Variants in FAH observed in about 807,000 individuals in gnomAD.
FAH encodes the protein fumarylacetoacetase.
FAH carries 47 observed loss-of-function variants against 55.8 expected under a neutral mutation model. That is an observed-to-expected ratio of 0.84 (90% CI 0.67 to 1.07). The LOEUF is 1.07. Among genes scored for constraint, FAH ranks in the 50% least tolerant of loss-of-function variants. The pLI, the probability that FAH is intolerant of heterozygous loss-of-function variation, is 0.00. For synonymous variants in FAH, 199 were observed against 207.7 expected, an observed-to-expected ratio of 0.96 and a Z score of 0.36; for missense variants, 495 against 545.9, an observed-to-expected ratio of 0.91 and a Z score of 0.93.
In FAH at chr15:80,186,253, T is replaced by C; in HGVS notation, c.*44T>C. 6.6e-7 allele frequency: 1 copy of C among 1,508,108 alleles called. No individual in the cohort carries two copies. Among genetic ancestry groups the C allele is most frequent in the Non-Finnish European group, 9.2e-7 (1 of 1,084,230 alleles). 93.4% of individuals were successfully genotyped at this position (1,508,108 alleles called of 1,614,324 possible). ...GGAAACAAAGGGCTCAAGCACCCCT[T>C]TCAACCCTGTGACTGGGGTCCTCCC... On this transcript the variant is annotated 3_prime_UTR_variant, in exon 14 of 14. Transcript: ENST00000561421.
chr15:80,155,871 G>T, intron 1 of FAH: 1 of 470,628 alleles, frequency 2.1e-6, no homozygotes, highest in Non-Finnish European at 4.2e-6. Context: ...TTATAAGAAA[G>T]ATCAAAGACT....
At chr15:80,162,859 C>G (rs2041160533) in intron 5 of FAH, 1 of 215,202 alleles carries the variant, frequency 4.6e-6, no homozygotes. Context: ...CTTGCCTGAG[C>G]ACAACAGGGC....
chr15:80,164,655 C>T (rs2041176984), intron 5 of FAH, among the ~76,000 whole-genome samples: 1 of 152,170 alleles, frequency 6.6e-6, no homozygotes, highest in Admixed American at 6.5e-5. Context: ...CATTGCTTTC[C>T]TCAGGGGAGT....
Position 80,172,129 on chromosome 15 carries a change from T to A in FAH, c.607-20T>A, listed in dbSNP as rs377313331. 29 of 1,584,692 alleles carry A rather than the reference T, an allele frequency of 1.8e-5. No individual in the cohort carries two copies. The highest frequency in any genetic ancestry group is 2.5e-5 in the Non-Finnish European group (29 of 1,153,522). On this transcript the variant is annotated intron_variant, in intron 7 of 13. Coordinates refer to ENST00000561421, the MANE Select transcript of FAH (RefSeq NM_000137.4). ...GCGGCAGATCAGCTCCAGATTCTAA[T>A]GAACTCTCCCCCATGTAAGGCTTTT...
chr15:80,164,835 A>T (rs1050689292), intron 5 of FAH, among the ~76,000 whole-genome samples: 1 of 152,230 alleles, frequency 6.6e-6, no homozygotes, highest in African/African-American at 2.4e-5. Context: ...AACTACTTTG[A>T]ACAAGTTGGA....
At chr15:80,168,632 G>A (rs747962790) in intron 7 of FAH, among the ~76,000 whole-genome samples, 3 of 152,238 alleles carry the variant, frequency 2.0e-5, no homozygotes, top group Non-Finnish European at 2.9e-5. Flanking sequence ...ATGTTCCTAG[G>A]TGAGGCTGGA....
intron 2 of FAH, among the ~76,000 whole-genome samples, chr15:80,158,889 T>C (rs1449018578): frequency 2.6e-5 from 4 of 152,110 alleles, no homozygotes; most frequent in African/African-American, 7.2e-5. Flanking sequence ...GAACTCTGAC[T>C]CTTAGAACCT....
intron 5 of FAH, chr15:80,162,710 G>A (rs562377803): frequency 2.9e-6 from 1 of 350,286 alleles, no homozygotes; most frequent in East Asian, 7.0e-5. Context: ...ATCCTCAAAT[G>A]TGCCCAGTGC....
At chr15:80,173,325 T>A in intron 9 of FAH, 181 bp downstream of exon 9, 2 of 763,234 alleles carry the variant, frequency 2.6e-6, no homozygotes, top group South Asian at 3.0e-5. Context: ...AGCCAGGGCA[T>A]CATTCTCCCT....
At chr15:80,162,534 G>A (rs548122291) in intron 5 of FAH, 198 bp downstream of exon 5, 25 of 642,496 alleles carry the variant, frequency 3.9e-5, no homozygotes, top group East Asian at 2.0e-4. Flanking sequence ...CTGTGGGATC[G>A]AAGGGCAAGT....
chr15:80,162,130 G>C, intron 4 of FAH, 116 bp from the exon 5 acceptor site: 1 of 812,942 alleles, frequency 1.2e-6, no homozygotes, highest in Admixed American at 1.7e-5. Context: ...TGCAGGCTGA[G>C]CTCTGGATGT....
At chr15:80,159,081 T>C (rs2041124940) in intron 2 of FAH, among the ~76,000 whole-genome samples, 1 of 151,710 alleles carries the variant, frequency 6.6e-6, no homozygotes, top group South Asian at 2.1e-4. Flanking sequence ...CTACTAAAAA[T>C]ACAAAAATTA....
At chr15:80,164,560 G>GCA (rs143583156) in intron 5 of FAH, among the ~76,000 whole-genome samples, 20 of 151,672 alleles carry the variant, frequency 1.3e-4, no homozygotes, top group African/African-American at 4.8e-5. Context: ...ATGTACACAT[G>GCA]CACACACACA....
intron 9 of FAH, among the ~76,000 whole-genome samples, chr15:80,174,007 T>C (rs1268590916): frequency 6.6e-6 from 1 of 152,210 alleles, no homozygotes; most frequent in Non-Finnish European, 1.5e-5. Flanking sequence ...TGGGGTCATC[T>C]CATGTTTGCT....
At chr15:80,159,274 A>G (rs931034938) in intron 2 of FAH, among the ~76,000 whole-genome samples, 1 of 151,838 alleles carries the variant, frequency 6.6e-6, no homozygotes, top group East Asian at 1.9e-4. Flanking sequence ...AAGTCTCACT[A>G]TATTGCCCAG....
At position 80,153,144 on chromosome 15, in the gene FAH, T is replaced by A. The variant is rs759962349; in HGVS notation, c.81+9T>A. Reference sequence around the variant, plus strand: ...TCTCGACCAGAGGCGACGTGAGCAGTGGGGCTTTGGCGTCCGGGCGCGGGG... The same window carrying A: ...TCTCGACCAGAGGCGACGTGAGCAGAGGGGCTTTGGCGTCCGGGCGCGGGG... On this transcript the variant is annotated intron_variant, in intron 1 of 13. Transcript: ENST00000561421. 1 of 1,587,352 alleles carries A rather than the reference T, an allele frequency of 6.3e-7. No homozygotes were observed. The highest frequency in any genetic ancestry group is 1.7e-5 in the Admixed American group (1 of 58,374).
At position 80,159,813 on chromosome 15, in the gene FAH, T is replaced by A. The variant is rs1460296546; in HGVS notation, c.250T>A (p.Phe84Ile). The change falls in exon 3 of 14, where the codon TTC becomes ATC. Residue 84 changes from phenylalanine (F) to isoleucine (I), a missense_variant. Phe to Ile is a conservative substitution (Grantham distance 21, BLOSUM62 0). Transcript: ENST00000561421. ...GGCTGCCTGGAAGGAGGCGAGAGTG[T>A]TCTTGCAGAACTTGCTGTCTGTGAG... ...GQAAWKEARV[F>I]LQNLLSVSQA... 1.2e-6 allele frequency: 2 copies of A among 1,614,202 alleles called. No homozygotes were observed. The highest frequency in any genetic ancestry group is 1.1e-5 in the South Asian group (1 of 91,092).
chr15:80,174,545 G>A (rs1244267801), intron 9 of FAH, among the ~76,000 whole-genome samples: 1 of 152,224 alleles, frequency 6.6e-6, no homozygotes, highest in Non-Finnish European at 1.5e-5. Context: ...TGGCCGGAGT[G>A]CAGGCGTTCT....
At chr15:80,174,459 TA>T (rs1247860028) in intron 9 of FAH, among the ~76,000 whole-genome samples, 3 of 152,382 alleles carry the variant, frequency 2.0e-5, no homozygotes, top group Admixed American at 6.5e-5. Context: ...CACTGTTTCA[TA>T]ACCATTAGTA....
Sources: allele counts gnomAD v4.1 joint callset (sites outside exome capture counted in the v4.1 genomes callset), GRCh38; gene constraint gnomAD v4.1.1; transcripts MANE v1.5; gene names NCBI Gene and HGNC (gene_info 2026-07-23, HGNC 2026-07-21).